The following PHACTR1 variants were observed in gnomAD, a reference collection of about 807,000 sequenced individuals.
PHACTR1 encodes phosphatase and actin regulator 1.
Under a neutral mutation model 69.2 loss-of-function variants are expected in PHACTR1, and 16 were observed. The ratio of observed to expected loss-of-function variants is 0.23; its 90% CI spans 0.16 to 0.35. The LOEUF (loss-of-function observed/expected upper bound fraction) is 0.35. PHACTR1 is among the 10% of genes least tolerant of loss of function. The pLI, the probability that PHACTR1 is intolerant of heterozygous loss-of-function variation, is 1.00. For synonymous variants in PHACTR1, 312 were observed against 284.5 expected (o/e 1.10, Z -0.97); for missense variants, 510 against 734.7 (o/e 0.69, Z 3.54).
Position 13,179,753 on chromosome 6 carries a change from A to G in PHACTR1, c.497-2766A>G, listed in dbSNP as rs1021667656. ...ATAGATAGATAGATAGATAGACAGA[A>G]CAAGGTTATCAATATTAATGTTGAA... On this transcript the variant is annotated intron_variant, in intron 6 of 14. Transcript: ENST00000332995. This position sits in a 1 kb window ranked among gnomAD's most constrained non-coding sequence, Gnocchi z 4.2. Among the ~76,000 whole-genome samples the G allele has an allele frequency of 1.3e-5, 2 of 150,428 alleles. No homozygotes were observed. The highest frequency in any genetic ancestry group is 4.2e-4 in the South Asian group (2 of 4,804).
At chr6:12,736,690 T>C (rs1255906712) in intron 3 of PHACTR1, among the ~76,000 whole-genome samples, 2 of 152,188 alleles carry the variant, frequency 1.3e-5, no homozygotes, top group East Asian at 3.8e-4. Context: ...CATGTTTTTT[T>C]ACAATCACTT....
chr6:12,809,084 C>A lies in PHACTR1; in HGVS notation c.250+59294C>A, dbSNP rs556289149. On this transcript the variant is annotated intron_variant, in intron 4 of 14. Coordinates refer to ENST00000332995, the MANE Select transcript of PHACTR1 (RefSeq NM_030948.6). Reference sequence around the variant, plus strand: ...GTATTTTTTTGTAGAGATGGAGTTACCCCATGTTGCCCAGGCTGGTCTCAA... The same window carrying A: ...GTATTTTTTTGTAGAGATGGAGTTAACCCATGTTGCCCAGGCTGGTCTCAA... Among the ~76,000 whole-genome samples the A allele has an allele frequency of 1.4e-4, 22 of 152,064 alleles. 2 individuals are homozygous for A. In the South Asian group the frequency reaches 4.4e-3, roughly 30 times the overall value.
chr6:12,871,973 A>G (rs533642848), intron 4 of PHACTR1, among the ~76,000 whole-genome samples: 1 of 151,418 alleles, frequency 6.6e-6, no homozygotes. Flanking sequence ...CCTTTTATCT[A>G]CCAATTTTCA....
intron 4 of PHACTR1, among the ~76,000 whole-genome samples, chr6:12,800,601 TG>T (rs1361792131): frequency 6.6e-6 from 1 of 152,158 alleles, no homozygotes; most frequent in Non-Finnish European, 1.5e-5. Context: ...GTTTGGAAGT[TG>T]AAGCCAGGTG....
chr6:12,792,421 G>A (rs749949866), intron 4 of PHACTR1, among the ~76,000 whole-genome samples: 11 of 118,098 alleles, frequency 9.3e-5, no homozygotes, highest in South Asian at 3.0e-4. Flanking sequence ...CGGAGATTGC[G>A]CCATTGTACT....
At chr6:13,032,137 T>C (rs551697070) in intron 4 of PHACTR1, among the ~76,000 whole-genome samples, 2 of 152,334 alleles carry the variant, frequency 1.3e-5, no homozygotes, top group East Asian at 3.9e-4. Flanking sequence ...ATTTCAGATA[T>C]TATATAGCCT....
chr6:13,272,745 A>G (rs1778021027), intron 10 of PHACTR1, 115 bp from the exon 11 acceptor site: 1 of 1,611,822 alleles, frequency 6.2e-7, no homozygotes, highest in South Asian at 1.1e-5. Flanking sequence ...AGAGCACAGG[A>G]TGGAACAAGA....
intron 5 of PHACTR1, among the ~76,000 whole-genome samples, chr6:13,134,152 C>T (rs1387450263): frequency 1.3e-5 from 2 of 152,126 alleles, no homozygotes; most frequent in East Asian, 1.9e-4. Context: ...CCGCCCCCTC[C>T]AGGAGGTGGG....
chr6:13,185,024 TGGG>T, intron 7 of PHACTR1: 5 of 1,344,288 alleles, frequency 3.7e-6, no homozygotes, highest in Non-Finnish European at 5.0e-6. Context: ...AGACGTCTTC[TGGG>T]GCAAGCAGTC....
At chr6:12,767,383 G>A (rs1485785730) in intron 4 of PHACTR1, among the ~76,000 whole-genome samples, 4 of 152,186 alleles carry the variant, frequency 2.6e-5, no homozygotes, top group African/African-American at 4.8e-5. Flanking sequence ...TCCAAAGGAA[G>A]CCTCTATAAA....
chr6:12,961,502 T>C (rs916615043), intron 4 of PHACTR1, among the ~76,000 whole-genome samples: 5 of 152,196 alleles, frequency 3.3e-5, no homozygotes, highest in African/African-American at 1.2e-4. Context: ...GTCAGGTTAT[T>C]GAAGAGCAAC....
At chr6:12,983,851 C>T (rs1795813855) in intron 4 of PHACTR1, among the ~76,000 whole-genome samples, 1 of 152,160 alleles carries the variant, frequency 6.6e-6, no homozygotes, top group Non-Finnish European at 1.5e-5. Flanking sequence ...CCAGCTTCAT[C>T]CATGCCCCTA....
intron 5 of PHACTR1, among the ~76,000 whole-genome samples, chr6:13,063,308 G>A (rs912136339): frequency 6.6e-6 from 1 of 152,148 alleles, no homozygotes; most frequent in Non-Finnish European, 1.5e-5. Context: ...GGGGCTTTGA[G>A]AGCTTGAAGG....
chr6:13,091,164 A>T (rs749350214), intron 5 of PHACTR1, among the ~76,000 whole-genome samples: 17 of 151,774 alleles, frequency 1.1e-4, no homozygotes, highest in Non-Finnish European at 1.5e-5. Flanking sequence ...GCACCCGGCT[A>T]ATTTTTGTAT....
rs188100727 is a variant in PHACTR1, at chr6:13,059,636, T to C, written c.415+6107T>C. Among the ~76,000 whole-genome samples, 7 of 152,348 alleles carry C rather than the reference T, an allele frequency of 4.6e-5. No individual in the cohort carries two copies. In the East Asian group the frequency reaches 1.3e-3, roughly 29 times the overall value. ...TACATATGCAGTTTGCACACAGTTA[T>C]ACCTCAATAAAGTTGACAATTTTTA... On this transcript the variant is annotated intron_variant, in intron 5 of 14. Transcript: ENST00000332995.
chr6:12,750,215 C>T (rs1766435339), intron 4 of PHACTR1, among the ~76,000 whole-genome samples: 2 of 152,100 alleles, frequency 1.3e-5, no homozygotes, highest in South Asian at 2.1e-4. Context: ...GGGTTGACGC[C>T]GCCGCTGCGG....
At chr6:12,844,407 A>G (rs1360285387) in intron 4 of PHACTR1, among the ~76,000 whole-genome samples, 1 of 152,020 alleles carries the variant, frequency 6.6e-6, no homozygotes, top group East Asian at 1.9e-4. Flanking sequence ...CCGCCCCCAA[A>G]AAAACACAAA....
chr6:12,839,254 A>G (rs1778458241), intron 4 of PHACTR1, among the ~76,000 whole-genome samples: 2 of 152,282 alleles, frequency 1.3e-5, no homozygotes, highest in South Asian at 4.1e-4. Flanking sequence ...TCAAAATGTC[A>G]CAGGACTGCA....
chr6:13,247,326 CGTGTGTGTGTGTGT>C (rs60972913), intron 10 of PHACTR1, among the ~76,000 whole-genome samples: 69 of 139,086 alleles, frequency 5.0e-4, no homozygotes, highest in Admixed American at 1.0e-3. Flanking sequence ...CAAGTTCCCT[CGTGTGTGTGTGTGT>C]GTGTGTGTGT....
Sources: allele counts gnomAD v4.1 joint callset (sites outside exome capture counted in the v4.1 genomes callset), GRCh38; gene constraint gnomAD v4.1.1; non-coding constraint Gnocchi (gnomAD v3.1); transcripts MANE v1.5; gene names NCBI Gene and HGNC (gene_info 2026-07-23, HGNC 2026-07-21).